The following P2RX3 variants were observed in gnomAD, a reference collection of about 807,000 sequenced individuals.
The protein encoded by P2RX3 is purinergic receptor P2X 3.
In P2RX3, 41 loss-of-function variants were observed where a neutral mutation model predicts 51.5. The observed-to-expected ratio is 0.80, with a 90% CI of 0.62 to 1.03. P2RX3 has a LOEUF of 1.03. P2RX3 is among the 50% of genes least tolerant of loss of function. The probability of loss-of-function intolerance (pLI) is 0.00; values close to 1 mark genes in which losing one functional copy is unlikely to be tolerated. For missense variants in P2RX3, 459 were observed against 522.1 expected (o/e 0.88, Z 1.18); for synonymous variants, 185 against 191.6 (o/e 0.97, Z 0.29).
rs1856898118 is a variant in P2RX3 at position 57,372,188 on chromosome 11, G to T, written c.*2191G>T. Among the ~76,000 whole-genome samples, 2 of 152,152 alleles carry T rather than the reference G, an allele frequency of 1.3e-5. No individual in the cohort carries two copies. Among genetic ancestry groups the T allele is most frequent in the Non-Finnish European group, 2.9e-5 (2 of 68,024 alleles). On this transcript the variant is annotated 3_prime_UTR_variant, in exon 12 of 12. Transcript: ENST00000263314. ...TCATTAATCCTATTTGATAGAAAAA[G>T]AAATTTACAGTACGTGGAAATGAGA... is the stretch of plus-strand genomic sequence containing the variant.
chr11:57,360,627 C>T (rs1196021866), intron 8 of P2RX3, among the ~76,000 whole-genome samples: 3 of 151,182 alleles, frequency 2.0e-5, no homozygotes, highest in Non-Finnish European at 4.4e-5. Context: ...CCTGTCTCTA[C>T]TAAAAAAAAT....
upstream of P2RX3, among the ~76,000 whole-genome samples, chr11:57,338,057 C>G (rs2134400415): frequency 6.6e-6 from 1 of 152,324 alleles, no homozygotes; most frequent in South Asian, 2.1e-4. Flanking sequence ...TTGGCAGACA[C>G]TCAGGAATGA....
chr11:57,345,621 T>G (rs955338310), intron 1 of P2RX3, among the ~76,000 whole-genome samples: 1 of 152,098 alleles, frequency 6.6e-6, no homozygotes, highest in Admixed American at 6.6e-5. Context: ...AGGGCTGTGA[T>G]TGGCGATTTC....
At position 57,349,755 on chromosome 11, in the gene P2RX3, A is replaced by G; in HGVS notation, c.564-2A>G. 6.2e-7 allele frequency: 1 copy of G among 1,614,090 alleles called. No homozygotes were observed. Among genetic ancestry groups the G allele is most frequent in the Non-Finnish European group, 8.5e-7 (1 of 1,179,988 alleles). On this transcript the variant is annotated splice_acceptor_variant, in intron 6 of 11. Transcript: ENST00000263314. LOFTEE classifies it high-confidence loss of function. ...CTGACCTCTCTCTCTGCTCCTCCCCAGGGGAAACCTCCTTCCCAACCTGAC... is the reference window on the plus strand; with the variant it reads ...CTGACCTCTCTCTCTGCTCCTCCCCGGGGGAAACCTCCTTCCCAACCTGAC...
chr11:57,346,574 G>C lies in P2RX3; in HGVS notation c.150G>C (p.Gln50His). Reference sequence around the variant, plus strand: ...TTTTCTTGCACGAGAAGGCTTACCAGGTACGGGACACAGCCATTGAGTCCT... The same window carrying C: ...TTTTCTTGCACGAGAAGGCTTACCACGTACGGGACACAGCCATTGAGTCCT... ...GWVFLHEKAY[Q>H]VRDTAIESSV... is the part of the protein sequence containing the mutation. The change falls in exon 2 of 12, where the codon CAG becomes CAC. Residue 50 changes from glutamine to histidine, a missense_variant. Transcript: ENST00000263314. 6.2e-7 allele frequency: 1 copy of C among 1,614,162 alleles called. No individual in the cohort carries two copies.
intron 6 of P2RX3, 69 bp from the exon 7 acceptor site, chr11:57,349,688 C>T (rs1371678755): frequency 6.3e-7 from 1 of 1,595,596 alleles, no homozygotes; most frequent in Admixed American, 1.7e-5. Flanking sequence ...CTCCGGAAGG[C>T]GGGGAGAGAT....
chr11:57,350,944 G>T (rs769912441), intron 8 of P2RX3, 46 bp downstream of exon 8: 1 of 1,612,700 alleles, frequency 6.2e-7, no homozygotes, highest in African/African-American at 1.3e-5. Context: ...GGTGCGGGCT[G>T]TTAACGGCAA....
chr11:57,351,759 C>G (rs911113341), intron 8 of P2RX3, among the ~76,000 whole-genome samples: 1 of 152,178 alleles, frequency 6.6e-6, no homozygotes, highest in Non-Finnish European at 1.5e-5. Context: ...TTGTCTACTA[C>G]GTGCTGAGGA....
At position 57,370,074 on chromosome 11, in the gene P2RX3, G is replaced by A; in HGVS notation, c.*77G>A. On this transcript the variant is annotated 3_prime_UTR_variant, in exon 12 of 12. Coordinates refer to ENST00000263314, the MANE Select transcript of P2RX3 (RefSeq NM_002559.5). Reference sequence around the variant, plus strand: ...GGACCCTGCCTGAGCAAGGGGCATGGGAGGGAAGAGGGGCTCTCATTTCTG... The same window carrying A: ...GGACCCTGCCTGAGCAAGGGGCATGAGAGGGAAGAGGGGCTCTCATTTCTG... The A allele has an allele frequency of 1.0e-6, 1 of 984,554 alleles. No homozygotes were observed. The highest frequency in any genetic ancestry group is 1.6e-5 in the African/African-American group (1 of 62,590). 61.0% of individuals were successfully genotyped at this position (984,554 alleles called of 1,614,324 possible). A position where few individuals can be genotyped will look rare whatever the true frequency, so the allele number is the denominator to read the frequency against.
At chr11:57,355,786 C>G (rs530757196) in intron 8 of P2RX3, among the ~76,000 whole-genome samples, 1 of 152,284 alleles carries the variant, frequency 6.6e-6, no homozygotes, top group Admixed American at 6.5e-5. Flanking sequence ...ACATCTGGGA[C>G]GGTTTAATGA....
At chr11:57,337,329 A>AAAAAAAGG (rs1554965262), upstream of P2RX3, among the ~76,000 whole-genome samples, 46 of 77,252 alleles carry the variant, frequency 6.0e-4, no homozygotes, top group Non-Finnish European at 6.6e-4. Context: ...AAGAAAAAAA[A>AAAAAAAGG]AAGGAAGGGA....
chr11:57,362,856 A>C (rs1304313404), intron 8 of P2RX3, among the ~76,000 whole-genome samples: 3 of 152,220 alleles, frequency 2.0e-5, no homozygotes, highest in Non-Finnish European at 2.9e-5. Flanking sequence ...GTGTCGGGTC[A>C]CAGAGGAGTA....
chr11:57,337,168 T>C (rs1456252932), upstream of P2RX3, among the ~76,000 whole-genome samples: 1 of 151,516 alleles, frequency 6.6e-6, no homozygotes, highest in Non-Finnish European at 1.5e-5. Flanking sequence ...GGCGGGTGCC[T>C]ATAATCCCAG....
upstream of P2RX3, chr11:57,338,342 C>G (rs1354962280): frequency 2.3e-6 from 1 of 431,484 alleles, no homozygotes; most frequent in Non-Finnish European, 4.2e-6. Context: ...GGGTCCCCCG[C>G]CCTGGTCCTG....
At chr11:57,348,744 C>T (rs199750357) in intron 6 of P2RX3, 40 bp downstream of exon 6, 30 of 1,503,022 alleles carry the variant, frequency 2.0e-5, no homozygotes, top group Admixed American at 5.1e-5. Context: ...GATGCAGGCA[C>T]CCCCGGCCCT....
At chr11:57,355,338 T>C (rs1051200353) in intron 8 of P2RX3, among the ~76,000 whole-genome samples, 24 of 147,838 alleles carry the variant, frequency 1.6e-4, no homozygotes, top group Admixed American at 6.7e-4. Context: ...TTATTTCTTT[T>C]TTTTTTTTTT....
At chr11:57,350,951 G>T (rs1590629705) in intron 8 of P2RX3, 53 bp downstream of exon 8, 3 of 1,611,726 alleles carry the variant, frequency 1.9e-6, no homozygotes, top group East Asian at 2.2e-5. Flanking sequence ...GCTGTTAACG[G>T]CAATGTTTAT....
rs375128074 is a variant in P2RX3, at chr11:57,350,792, G to A, written c.736G>A (p.Val246Met). 7.1e-5 allele frequency: 115 copies of A among 1,613,870 alleles called. No individual in the cohort carries two copies. The highest frequency in any genetic ancestry group is 9.2e-5 in the Non-Finnish European group (109 of 1,180,004). ...AGTTCTGGGCATTAAGATCGGCTGG[G>A]TGTGCGACTTGGACAAGGCCTGGGA... Reference protein sequence around the residue: ...GGVLGIKIGWVCDLDKAWDQC... With the variant: ...GGVLGIKIGWMCDLDKAWDQC... Residue 246 changes from valine (V) to methionine (M), a missense_variant, in exon 8 of 12, where the codon GTG becomes ATG. Physicochemically the swap from Val to Met is conservative, Grantham distance 21. Coordinates refer to ENST00000263314, the MANE Select transcript of P2RX3 (RefSeq NM_002559.5).
intron 9 of P2RX3, 72 bp from the exon 10 acceptor site, chr11:57,368,300 C>T: frequency 6.5e-7 from 1 of 1,537,928 alleles, no homozygotes; most frequent in Non-Finnish European, 9.0e-7. Context: ...CTTCTGGCGC[C>T]ACGTGCAGCC....
Sources: allele counts gnomAD v4.1 joint callset (sites outside exome capture counted in the v4.1 genomes callset), GRCh38; gene constraint gnomAD v4.1.1; transcripts MANE v1.5; gene names NCBI Gene and HGNC (gene_info 2026-07-23, HGNC 2026-07-21).